UNC80: variants seen among roughly 807,000 people sequenced by gnomAD.
UNC80 encodes the protein unc-80 subunit of NALCN channel complex.
In UNC80, 164 loss-of-function variants were observed where a neutral mutation model predicts 384.6. That is an observed-to-expected ratio of 0.43 (90% CI 0.38 to 0.49). UNC80 has a LOEUF of 0.49. Ranked by LOEUF, UNC80 falls within the 20% of genes least tolerant of loss-of-function variation. UNC80 has a pLI of 0.00. For missense variants in UNC80, 3,330 were observed against 4,143.0 expected (o/e 0.80, Z 5.39); for synonymous variants, 1,486 against 1,527.8 (o/e 0.97, Z 0.64).
chr2:209,819,270 C>G lies in UNC80; in HGVS notation c.1962+9C>G. On this transcript the variant is annotated intron_variant, in intron 12 of 64. Transcript: ENST00000673920. ...GAATGCTTGATCTTTCTGTAAGAAG[C>G]AAGAATTTTTCTTACCAAAGTTAGA... 1 of 1,540,530 alleles carries G rather than the reference C, an allele frequency of 6.5e-7. No individual in the cohort carries two copies.
chr2:209,945,246 T>C, intron 46 of UNC80, 57 bp downstream of exon 46: 1 of 1,505,678 alleles, frequency 6.6e-7, no homozygotes, highest in South Asian at 1.3e-5. Context: ...TAAATATAAA[T>C]ATATGTATTA....
chr2:209,951,173 A>C (rs2092161484), intron 47 of UNC80, among the ~76,000 whole-genome samples: 1 of 150,010 alleles, frequency 6.7e-6, no homozygotes, highest in South Asian at 2.1e-4. Context: ...TGTCTCAAAT[A>C]AATTAATTAA....
Position 209,936,771 on chromosome 2 carries a change from T to C in UNC80, c.6274-73T>C, listed in dbSNP as rs538008266. 1.1e-5 allele frequency: 11 copies of C among 1,028,736 alleles called. No individual in the cohort carries two copies. The Admixed American group carries it at 2.2e-4, about 21-fold the overall frequency. 63.7% of individuals were successfully genotyped at this position (1,028,736 alleles called of 1,614,324 possible). On this transcript the variant is annotated intron_variant, in intron 40 of 64. Transcript: ENST00000673920. ...TTACCTTGTTTTTTCAAAATTTGTA[T>C]CTGTCACCTTACTACCTAGCACATA... is the stretch of plus-strand genomic sequence containing the variant.
chr2:209,878,122 G>A (rs1254801691), intron 24 of UNC80, 33 bp downstream of exon 24: 1 of 1,492,726 alleles, frequency 6.7e-7, no homozygotes, highest in Non-Finnish European at 8.9e-7. Flanking sequence ...AAGAACCCCT[G>A]CTTGTAAGAA....
chr2:209,772,237 T>G, intron 1 of UNC80, 73 bp downstream of exon 1: 8 of 854,950 alleles, frequency 9.4e-6, no homozygotes, highest in Middle Eastern at 4.5e-4. Flanking sequence ...GGGTCGCCGC[T>G]GCCGCCGCCG....
chr2:209,905,570 T>C (rs2088086935), intron 29 of UNC80, among the ~76,000 whole-genome samples: 1 of 152,168 alleles, frequency 6.6e-6, no homozygotes, highest in African/African-American at 2.4e-5. Flanking sequence ...CGCCAATCCG[T>C]TTTAGATTTC....
intron 25 of UNC80, 60 bp downstream of exon 25, chr2:209,881,154 G>A: frequency 6.7e-7 from 1 of 1,498,326 alleles, no homozygotes; most frequent in Non-Finnish European, 8.9e-7. Flanking sequence ...CGTGTGTCTG[G>A]GTTTCCAAGA....
At chr2:209,896,498 C>G (rs2086808018) in intron 28 of UNC80, 85 bp downstream of exon 28, 1 of 1,116,450 alleles carries the variant, frequency 9.0e-7, no homozygotes, top group Admixed American at 2.0e-5. Context: ...AGAGATTATA[C>G]TAAATCATCA....
chr2:209,773,252 T>C (rs2076683654), intron 2 of UNC80, 110 bp downstream of exon 2: 1 of 939,324 alleles, frequency 1.1e-6, no homozygotes, highest in Admixed American at 2.3e-5. Flanking sequence ...ACTTGGCAAA[T>C]ATTATTGATC....
rs1425331129 is a variant in UNC80, at chr2:209,904,984, A to C, written c.4782+19A>C. ...GAAAGAAGTAAGTAAATGACCATTG[A>C]ATGATATTCTAATACTAGAAACATG... is the stretch of plus-strand genomic sequence containing the variant. On this transcript the variant is annotated intron_variant, in intron 29 of 64. Transcript: ENST00000673920. The C allele has an allele frequency of 1.3e-6, 2 of 1,550,150 alleles. No individual in the cohort carries two copies. The highest frequency in any genetic ancestry group is 2.7e-5 in the African/African-American group (2 of 73,028).
chr2:209,835,102 T>C lies in UNC80; in HGVS notation c.3041+92T>C, dbSNP rs992395960. ...TTCCAAACTGCTATTTGTTTGTTTT[T>C]CATCTCCTTTGAATTTTGCCTTGTT... On this transcript the variant is annotated intron_variant, in intron 18 of 64. Transcript: ENST00000673920. The C allele has an allele frequency of 4.8e-6, 5 of 1,038,262 alleles. No homozygotes were observed. The African/African-American group carries it at 6.4e-5, about 13-fold the overall frequency. The allele number at this position is 1,038,262 out of a possible 1,614,324, so 64.3% of individuals were successfully genotyped here.
chr2:209,937,659 G>A (rs1258088557), intron 42 of UNC80, 29 bp downstream of exon 42: 6 of 1,490,162 alleles, frequency 4.0e-6, no homozygotes, highest in Non-Finnish European at 5.5e-6. Flanking sequence ...TTTATTCCAT[G>A]GTTTTGTCAT....
At chr2:209,825,472 C>T (rs1487736887) in intron 13 of UNC80, among the ~76,000 whole-genome samples, 5 of 152,102 alleles carry the variant, frequency 3.3e-5, no homozygotes, top group South Asian at 2.1e-4. Flanking sequence ...CATGAAATTT[C>T]GAAGCTCCAG....
At chr2:209,971,063 C>A in intron 54 of UNC80, 106 bp downstream of exon 54, 1 of 1,408,154 alleles carries the variant, frequency 7.1e-7, no homozygotes, top group Non-Finnish European at 9.4e-7. Flanking sequence ...ATCTGTGAAA[C>A]AAAAGTGTAA....
At chr2:209,937,401 A>G in intron 41 of UNC80, 128 bp from the exon 42 acceptor site, 1 of 682,136 alleles carries the variant, frequency 1.5e-6, no homozygotes, top group Non-Finnish European at 2.5e-6. Flanking sequence ...GTTGTTTAGT[A>G]CATTGCCTTT....
At chr2:209,819,754 A>G (rs190695451) in intron 12 of UNC80, among the ~76,000 whole-genome samples, 131 of 152,344 alleles carry the variant, frequency 8.6e-4, no homozygotes, top group African/African-American at 3.0e-3. Context: ...TATATTTCAC[A>G]AAATTTTATT....
intron 61 of UNC80, among the ~76,000 whole-genome samples, chr2:209,989,753 T>A (rs973801221): frequency 6.6e-6 from 1 of 152,180 alleles, no homozygotes; most frequent in African/African-American, 2.4e-5. Context: ...AAATATTACA[T>A]GATGTGGAGA....
At position 209,978,584 on chromosome 2, in the gene UNC80, C is replaced by G; in HGVS notation, c.8994C>G (p.Arg2998=). Residue 2998 remains arginine, a synonymous_variant, in exon 59 of 65, where the codon CGC becomes CGG. Transcript: ENST00000673920. ...TGGGCACCTCCACCTCTGCTTACCGCCTGAGCTTGGCCACCATGTCCCGCT... is the reference window on the plus strand; with the variant it reads ...TGGGCACCTCCACCTCTGCTTACCGGCTGAGCTTGGCCACCATGTCCCGCT... ...STVGTSTSAY[R]LSLATMSRSN... is the part of the protein sequence containing the mutation. 1 of 1,551,364 alleles carries G rather than the reference C, an allele frequency of 6.4e-7. No individual in the cohort carries two copies. Among genetic ancestry groups the G allele is most frequent in the Non-Finnish European group, 8.7e-7 (1 of 1,146,728 alleles).
chr2:209,876,670 G>T (rs1175821544), intron 23 of UNC80, among the ~76,000 whole-genome samples: 2 of 152,146 alleles, frequency 1.3e-5, no homozygotes, highest in African/African-American at 2.4e-5. Flanking sequence ...CTTAACAGAG[G>T]ATCTCCAAAA....
Sources: allele counts gnomAD v4.1 joint callset (sites outside exome capture counted in the v4.1 genomes callset), GRCh38; gene constraint gnomAD v4.1.1; transcripts MANE v1.5; gene names NCBI Gene and HGNC (gene_info 2026-07-23, HGNC 2026-07-21).